The following IFT122 variants were observed in gnomAD, a reference collection of about 807,000 sequenced individuals.
IFT122 encodes intraflagellar transport protein 122 homolog.
A neutral mutation model predicts 161.6 loss-of-function variants in IFT122; 118 were observed. The observed-to-expected ratio is 0.73, with a 90% confidence interval of 0.63 to 0.85. The LOEUF is 0.85. Among genes scored for constraint, IFT122 ranks in the 40% least tolerant of loss-of-function variants. The pLI is 0.00. For synonymous variants in IFT122, 550 were observed against 602.4 expected (o/e 0.91, Z 1.27); for missense variants, 1,381 against 1,579.6 (o/e 0.87, Z 2.13).
In IFT122 at chr3:129,458,306, C is replaced by T. The variant is rs78445705; in HGVS notation, c.194-293C>T. Among the ~76,000 whole-genome samples, 362 of 152,268 alleles carry T rather than the reference C, an allele frequency of 2.4e-3. 11 individuals carry two copies. The highest frequency in any genetic ancestry group is 0.02 in the Admixed American group (307 of 15,296). On this transcript the variant is annotated intron_variant, in intron 3 of 29. Coordinates refer to ENST00000348417, the MANE Select transcript of IFT122 (RefSeq NM_052989.3). ...TGTGTACTTCTTACACTAGACTGAA[C>T]TTTATGAAAGTAGGGATCATGTGTG...
At position 129,502,897 on chromosome 3, in the gene IFT122, G is replaced by T; in HGVS notation, c.2547+15G>T. On this transcript the variant is annotated intron_variant, in intron 20 of 29. Transcript: ENST00000348417. The stretch of plus-strand genomic sequence containing the variant: ...GCTGGGATGAGGTGAGGGGAAAGCA[G>T]GCCTCATGGGCTGGGGCCCCACCTG... 1 of 1,606,256 alleles carries T rather than the reference G, an allele frequency of 6.2e-7. No individual in the cohort carries two copies. Among genetic ancestry groups the T allele is most frequent in the Non-Finnish European group, 8.5e-7 (1 of 1,179,868 alleles).
rs909977153 is a variant in IFT122, at chr3:129,483,744, G to A, written c.1851+62G>A. ...AGGCTGACAAGACCAGGGAAGCTGG[G>A]CCCTTTGCTGGTGCTTTGGGGAGAG... On this transcript the variant is annotated intron_variant, in intron 15 of 29. Coordinates refer to ENST00000348417, the MANE Select transcript of IFT122 (RefSeq NM_052989.3). The A allele has an allele frequency of 1.2e-5, 17 of 1,449,100 alleles. No homozygotes were observed. The African/African-American group carries it at 2.3e-4, about 19-fold the overall frequency. 89.8% of individuals were successfully genotyped at this position (1,449,100 alleles called of 1,614,324 possible). A position where few individuals can be genotyped will look rare whatever the true frequency, so the allele number is the denominator to read the frequency against.
At chr3:129,491,156 C>T (rs1179290190) in intron 16 of IFT122, among the ~76,000 whole-genome samples, 1 of 152,214 alleles carries the variant, frequency 6.6e-6, no homozygotes, top group Non-Finnish European at 1.5e-5. Flanking sequence ...GATAAAGTTG[C>T]ATTGTGGTCA....
chr3:129,479,641 A>G (rs2078397140), intron 12 of IFT122, 144 bp from the exon 13 acceptor site: 2 of 1,001,612 alleles, frequency 2.0e-6, no homozygotes, highest in Admixed American at 1.9e-5. Context: ...TAACGATGCC[A>G]ATCGTGGGGT....
chr3:129,513,907 C>T, intron 24 of IFT122: 1 of 290,026 alleles, frequency 3.4e-6, no homozygotes, highest in Non-Finnish European at 6.7e-6. Flanking sequence ...TCAGAAACTG[C>T]CCACCAGGCC....
At chr3:129,496,686 G>GC (rs1354493773) in intron 18 of IFT122, among the ~76,000 whole-genome samples, 2 of 152,142 alleles carry the variant, frequency 1.3e-5, no homozygotes, top group Non-Finnish European at 2.9e-5. Context: ...GAGCTCCTGG[G>GC]CCCCAGCCTG....
chr3:129,484,687 G>C (rs1367903936), intron 15 of IFT122, among the ~76,000 whole-genome samples: 1 of 152,126 alleles, frequency 6.6e-6, no homozygotes, highest in Non-Finnish European at 1.5e-5. Context: ...CACTGTCTAT[G>C]AAGTGCTGGC....
Position 129,514,391 on chromosome 3 carries a change from A to T in IFT122, c.2990A>T (p.Lys997Ile). 6.2e-7 allele frequency: 1 copy of T among 1,614,044 alleles called. No homozygotes were observed. Among genetic ancestry groups the T allele is most frequent in the Non-Finnish European group, 8.5e-7 (1 of 1,179,986 alleles). Reference sequence around the variant, plus strand: ...GTCCTTAACCCTGTTCACGGCAGGAAAATACTCTTCACCTTGGCCAAGCAG... The same window carrying T: ...GTCCTTAACCCTGTTCACGGCAGGATAATACTCTTCACCTTGGCCAAGCAG... The part of the protein sequence containing the change: ...KDTPSGISKV[K>I]ILFTLAKQSK... The change falls in exon 25 of 30, where the codon AAA becomes ATA. Residue 997 changes from lysine (K) to isoleucine (I), a missense_variant and splice_region_variant. Lys to Ile is a moderately radical substitution (Grantham distance 102, BLOSUM62 -3). This residue lies in a region of IFT122 where 496 missense variants were observed against 502.5 expected (regional missense o/e 0.99). Coordinates refer to ENST00000348417, the MANE Select transcript of IFT122 (RefSeq NM_052989.3).
intron 3 of IFT122, 33 bp downstream of exon 3, chr3:129,452,031 A>C (rs1233882580): frequency 2.1e-6 from 3 of 1,412,108 alleles, no homozygotes; most frequent in Non-Finnish European, 2.0e-6. Flanking sequence ...CATTCTCTAT[A>C]ATAGCCTCAT....
chr3:129,464,276 G>A (rs894407540), intron 6 of IFT122, among the ~76,000 whole-genome samples: 2 of 152,178 alleles, frequency 1.3e-5, no homozygotes, highest in African/African-American at 4.8e-5. Flanking sequence ...AAGACACCAA[G>A]TCTGTTCTTA....
chr3:129,476,914 C>A, intron 11 of IFT122, 113 bp downstream of exon 11: 1 of 1,340,248 alleles, frequency 7.5e-7, no homozygotes, highest in Non-Finnish European at 1.1e-6. Context: ...GTTTTGCAAA[C>A]CTGTTAGCCA....
rs2080204433 is a variant in IFT122 at position 129,492,189 on chromosome 3, A to G, written c.2041A>G (p.Ile681Val). The G allele has an allele frequency of 1.9e-6, 3 of 1,612,274 alleles. No individual in the cohort carries two copies. In the East Asian group the frequency reaches 6.7e-5, roughly 36 times the overall value. ...DLRYLELISS[I>V]EERKKRGETN... is the part of the protein sequence containing the mutation. ...CCGATATTTAGAGCTCATCAGCAGC[A>G]TTGAGGTAAAAGATGAAGCATTTTT... The change falls in exon 17 of 30, where the codon ATT becomes GTT. Residue 681 changes from isoleucine to valine, a missense_variant. By Grantham distance (29) the Ile-to-Val change is conservative (BLOSUM62 3). Around this residue, in one of 7 missense-constraint regions of IFT122, gnomAD observed 496 missense variants for 502.5 expected, o/e 0.99. Coordinates refer to ENST00000348417, the MANE Select transcript of IFT122 (RefSeq NM_052989.3).
chr3:129,504,553 T>C (rs552393097), intron 21 of IFT122, 132 bp downstream of exon 21: 12 of 772,280 alleles, frequency 1.6e-5, no homozygotes, highest in East Asian at 2.5e-5. Flanking sequence ...GGGGATGTGA[T>C]TGTTTGGTGG....
rs2076393800 is a variant in IFT122, at chr3:129,463,494, G to T, written c.350-66G>T. ...AAGTTGTTGTATGTTTCAATTATTTGTTCCTTTTTATTGCTGGGTAGTATT... is the reference window on the plus strand; with the variant it reads ...AAGTTGTTGTATGTTTCAATTATTTTTTCCTTTTTATTGCTGGGTAGTATT... On this transcript the variant is annotated intron_variant, in intron 5 of 29. Transcript: ENST00000348417. 6 of 1,258,256 alleles carry T rather than the reference G, an allele frequency of 4.8e-6. No homozygotes were observed. The Admixed American group carries it at 6.7e-5, about 14-fold the overall frequency. The allele number at this position is 1,258,256 out of a possible 1,614,324, so 77.9% of individuals were successfully genotyped here.
At chr3:129,476,215 C>T in intron 9 of IFT122, 100 bp from the exon 10 acceptor site, 1 of 1,321,276 alleles carries the variant, frequency 7.6e-7, no homozygotes, top group South Asian at 1.3e-5. Context: ...CCTGTCTTCC[C>T]AACTCCCTCT....
At chr3:129,453,022 C>G (rs990467713) in intron 3 of IFT122, among the ~76,000 whole-genome samples, 5 of 151,672 alleles carry the variant, frequency 3.3e-5, no homozygotes, top group Admixed American at 6.6e-5. Context: ...TTGCCCCCCC[C>G]ACTGAGATGG....
chr3:129,501,705 G>T (rs3774778), intron 19 of IFT122, among the ~76,000 whole-genome samples: 2,701 of 152,310 alleles, frequency 0.018, 89 homozygotes, highest in East Asian at 0.13. Context: ...TCCAGATGTG[G>T]CTATAAAAGG....
Position 129,492,142 on chromosome 3 carries a change from C to T in IFT122, c.1994C>T (p.Ala665Val). 1 of 1,610,494 alleles carries T rather than the reference C, an allele frequency of 6.2e-7. No individual in the cohort carries two copies. The highest frequency in any genetic ancestry group is 8.5e-7 in the Non-Finnish European group (1 of 1,176,956). ...EGLDFETAKK[A>V]FIRVQDLRYL... ...TTATTCTTTATTTCTTCGCCACAGG[C>T]CTTCATCAGAGTACAAGACCTCCGA... Residue 665 changes from alanine (A) to valine (V), a missense_variant and splice_region_variant, in exon 17 of 30, where the codon GCC becomes GTC. By Grantham distance (64) the Ala-to-Val change is moderately conservative. Transcript: ENST00000348417.
In IFT122 at chr3:129,465,646, T is replaced by TGCCACCACACC. The variant is rs1559880238; in HGVS notation, c.563+865_563+866insGCCACCACACC. ...CCACCACGCCTGGCTAATTTTTTTT[T>TGCCACCACACC]TTTTTTTGAGACGGAGTCTCGCTCT... On this transcript the variant is annotated intron_variant, in intron 7 of 29. Coordinates refer to ENST00000348417, the MANE Select transcript of IFT122 (RefSeq NM_052989.3). 1.3e-3 allele frequency among the ~76,000 whole-genome samples: 170 copies of TGCCACCACACC among 126,738 alleles called. 2 individuals are homozygous for TGCCACCACACC. The highest frequency in any genetic ancestry group is 4.5e-3 in the East Asian group (15 of 3,368). 83.1% of individuals were successfully genotyped at this position (126,738 alleles called of 152,430 possible). A position where few individuals can be genotyped will look rare whatever the true frequency, so the allele number is the denominator to read the frequency against.
Sources: allele counts gnomAD v4.1 joint callset (sites outside exome capture counted in the v4.1 genomes callset), GRCh38; gene constraint gnomAD v4.1.1; regional missense constraint gnomAD v4.1.1; transcripts MANE v1.5; gene names NCBI Gene and HGNC (gene_info 2026-07-23, HGNC 2026-07-21).